ACTR3C: variants seen among roughly 807,000 people sequenced by gnomAD.
ACTR3C encodes the protein actin related protein 3C.
A neutral mutation model predicts 26.3 loss-of-function variants in ACTR3C; 18 were observed. The ratio of observed to expected loss-of-function variants is 0.68; its 90% CI spans 0.47 to 1.01. The LOEUF is 1.01. Among genes scored for constraint, ACTR3C ranks in the 50% least tolerant of loss-of-function variants. The pLI, the probability that ACTR3C is intolerant of heterozygous loss-of-function variation, is 0.00. For missense variants in ACTR3C, 184 were observed against 250.7 expected (o/e 0.73, Z 1.80); for synonymous variants, 55 against 94.5 (o/e 0.58, Z 2.42).
At chr7:150,213,097 G>A in the ACTR3C span, among the ~76,000 whole-genome samples, 2 of 151,886 alleles carry the variant, frequency 1.3e-5, no homozygotes, top group African/African-American at 4.8e-5. Context: ...GGAACAGGGA[G>A]GTGTAGGGAT....
At chr7:150,210,937 C>A in the ACTR3C span, among the ~76,000 whole-genome samples, 41 of 147,954 alleles carry the variant, frequency 2.8e-4, 1 homozygote, top group Admixed American at 2.6e-3. Flanking sequence ...TTTGCAATAT[C>A]TTTTTCAAGA....
At chr7:150,288,321 T>C (rs117148903) in intron 4 of ACTR3C, among the ~76,000 whole-genome samples, 21,889 of 143,098 alleles carry the variant, frequency 0.15, 2,364 homozygotes, top group African/African-American at 0.29. Flanking sequence ...CTTGGCAGTG[T>C]TGCTCAGCAA....
chr7:149,958,676 G>C, the ACTR3C span, among the ~76,000 whole-genome samples: 7 of 152,202 alleles, frequency 4.6e-5, no homozygotes, highest in Non-Finnish European at 1.0e-4. Flanking sequence ...TCTTGGCTGT[G>C]TCTCATAAAA....
the ACTR3C span, among the ~76,000 whole-genome samples, chr7:149,899,827 T>A: frequency 1.4e-5 from 2 of 142,348 alleles, no homozygotes; most frequent in Non-Finnish European, 3.1e-5. Flanking sequence ...CCAAATAAGT[T>A]AACCCGAAAC....
the ACTR3C span, among the ~76,000 whole-genome samples, chr7:149,893,555 A>G: frequency 6.6e-6 from 1 of 152,252 alleles, no homozygotes; most frequent in Non-Finnish European, 1.5e-5. Context: ...TTAACAATCT[A>G]TCAAGGTCAC....
the ACTR3C span, among the ~76,000 whole-genome samples, chr7:149,981,898 G>A: frequency 9.8e-5 from 15 of 152,294 alleles, no homozygotes; most frequent in Non-Finnish European, 1.9e-4. Flanking sequence ...ACAGAACATC[G>A]GCCGATGAAT....
At chr7:149,929,425 C>CAAAAA in the ACTR3C span, among the ~76,000 whole-genome samples, 116 of 48,852 alleles carry the variant, frequency 2.4e-3, 1 homozygote, top group Middle Eastern at 0.026. Context: ...AAGATTCTGT[C>CAAAAA]AAAAAAAAAA....
the ACTR3C span, among the ~76,000 whole-genome samples, chr7:149,982,209 G>C: frequency 6.6e-6 from 1 of 152,078 alleles, no homozygotes; most frequent in South Asian, 2.1e-4. Context: ...CCTGCTGCTG[G>C]GTGCCTGGGA....
the ACTR3C span, among the ~76,000 whole-genome samples, chr7:150,231,160 T>G: frequency 6.6e-6 from 1 of 152,208 alleles, no homozygotes; most frequent in African/African-American, 2.4e-5. Context: ...ATTCAAAATA[T>G]TTTATATTTC....
At chr7:149,944,915 G>T in the ACTR3C span, among the ~76,000 whole-genome samples, 1 of 151,764 alleles carries the variant, frequency 6.6e-6, no homozygotes, top group Non-Finnish European at 1.5e-5. Flanking sequence ...AAAGATGAAG[G>T]CAGGAAAGAA....
chr7:150,282,474 C>A (rs545424956), intron 6 of ACTR3C, among the ~76,000 whole-genome samples: 36 of 147,554 alleles, frequency 2.4e-4, no homozygotes, highest in African/African-American at 8.6e-4. Flanking sequence ...ATGTGACAAA[C>A]GAGAAAGCAT....
At chr7:150,149,742 A>G in the ACTR3C span, among the ~76,000 whole-genome samples, 1 of 151,978 alleles carries the variant, frequency 6.6e-6, no homozygotes, top group African/African-American at 2.4e-5. Flanking sequence ...AATGCAATAC[A>G]GTGACTTTTA....
rs924206609 is a variant in ACTR3C at position 150,286,739 on chromosome 7, C to T, written c.298-199G>A. On this transcript the variant is annotated intron_variant, in intron 4 of 7. Coordinates refer to ENST00000683684, the MANE Select transcript of ACTR3C (RefSeq NM_001164458.2). Reference sequence around the variant, plus strand: ...GACATGGTTACACTTGGACTTCGGACAGGTAAGTCTGCTTTCTCTGCAACT... The same window carrying T: ...GACATGGTTACACTTGGACTTCGGATAGGTAAGTCTGCTTTCTCTGCAACT... Among the ~76,000 whole-genome samples, 161 of 151,386 alleles carry T rather than the reference C, an allele frequency of 1.1e-3. 4 individuals carry two copies. Among genetic ancestry groups the T allele is most frequent in the Non-Finnish European group, 2.4e-4 (16 of 67,984 alleles).
intron 6 of ACTR3C, among the ~76,000 whole-genome samples, chr7:150,267,741 C>A (rs1834148416): frequency 6.6e-6 from 1 of 152,140 alleles, no homozygotes; most frequent in South Asian, 2.1e-4. Flanking sequence ...CACTGGGGGT[C>A]TTGGGACGCA....
intron 1 of ACTR3C, among the ~76,000 whole-genome samples, chr7:150,305,483 T>C (rs1312738707): frequency 7.9e-5 from 12 of 151,946 alleles, no homozygotes; most frequent in Non-Finnish European, 7.4e-5. Flanking sequence ...CTGCCTGACC[T>C]CCTCTCTCCA....
chr7:149,887,303 CT>C, the ACTR3C span, among the ~76,000 whole-genome samples: 7 of 152,288 alleles, frequency 4.6e-5, no homozygotes, highest in Admixed American at 1.3e-4. Context: ...ATGTAAAAGA[CT>C]TTTGAGCATG....
chr7:150,068,569 T>A, the ACTR3C span, among the ~76,000 whole-genome samples: 5 of 150,512 alleles, frequency 3.3e-5, no homozygotes, highest in African/African-American at 1.2e-4. Context: ...GGTCAGGAGA[T>A]CGAGACCATC....
the ACTR3C span, among the ~76,000 whole-genome samples, chr7:150,181,823 C>A: frequency 6.6e-6 from 1 of 150,400 alleles, no homozygotes; most frequent in South Asian, 2.1e-4. Flanking sequence ...ATTACCCCTA[C>A]AAAATACTGA....
chr7:150,099,418 T>C, the ACTR3C span, among the ~76,000 whole-genome samples: 5 of 151,736 alleles, frequency 3.3e-5, no homozygotes, highest in African/African-American at 9.7e-5. Flanking sequence ...CCAGGCATGT[T>C]AGGAAAACAT....
Sources: gnomAD v4.1 joint callset for allele counts (sites outside exome capture counted in the v4.1 genomes callset) on GRCh38, gnomAD v4.1.1 for gene constraint, MANE v1.5 for transcripts, NCBI Gene and HGNC (gene_info 2026-07-23, HGNC 2026-07-21) for gene names.